The following CHD1L variants were observed in gnomAD, a reference collection of about 807,000 sequenced individuals.
The protein encoded by CHD1L is ATP-dependent chromatin remodeler CHD1L.
A neutral mutation model predicts 115.9 loss-of-function variants in CHD1L; 118 were observed. The observed-to-expected ratio is 1.02, with a 90% CI of 0.88 to 1.19. The LOEUF is 1.19. CHD1L is among the 50% of genes most tolerant of loss of function. The pLI, the probability that CHD1L is intolerant of heterozygous loss-of-function variation, is 0.00. For synonymous variants in CHD1L, 411 were observed against 387.1 expected, an observed-to-expected ratio of 1.06 and a Z score of -0.72; for missense variants, 1,179 against 1,065.3, an observed-to-expected ratio of 1.11 and a Z score of -1.49.
intron 19 of CHD1L, 67 bp downstream of exon 19, chr1:147,287,800 T>G: frequency 1.5e-6 from 2 of 1,327,122 alleles, no homozygotes; most frequent in South Asian, 2.4e-5. Context: ...TAAGACTGTA[T>G]CGTGAGGGTT....
At chr1:147,295,403 A>C in intron 22 of CHD1L, 28 bp from the exon 23 acceptor site, 1 of 1,508,282 alleles carries the variant, frequency 6.6e-7, no homozygotes, top group Non-Finnish European at 9.2e-7. Context: ...AAGTGATGAC[A>C]TGTATCTTCC....
At chr1:147,214,992 A>G in the CHD1L span, 1 of 152,174 alleles carries the variant, frequency 6.6e-6, no homozygotes, top group African/African-American at 2.4e-5. Context: ...AGAAAAAGGC[A>G]TGACTTAGCA....
chr1:147,216,046 A>G, the CHD1L span: 5 of 732,524 alleles, frequency 6.8e-6, no homozygotes, highest in South Asian at 1.8e-5. Context: ...TGTCAATTAA[A>G]TCACACACAC....
chr1:147,178,260 C>T, the CHD1L span: 21 of 1,613,526 alleles, frequency 1.3e-5, no homozygotes, highest in Middle Eastern at 1.6e-4. Context: ...GCCTCATGCT[C>T]GTCGAGTTCT....
chr1:147,278,551 A>G (rs1679564632), intron 14 of CHD1L, among the ~76,000 whole-genome samples: 2 of 151,138 alleles, frequency 1.3e-5, no homozygotes, highest in South Asian at 4.2e-4. Flanking sequence ...ATACCAAGAA[A>G]CCAAAAGTAA....
At chr1:147,187,505 G>C in the CHD1L span, among the ~76,000 whole-genome samples, 2 of 152,162 alleles carry the variant, frequency 1.3e-5, no homozygotes, top group East Asian at 3.9e-4. Context: ...AGTTAAAAGA[G>C]AGCTGTAATC....
At chr1:147,186,361 CAA>C in the CHD1L span, 186 of 954,332 alleles carry the variant, frequency 1.9e-4, 2 homozygotes, top group African/African-American at 3.1e-3. Context: ...GCAAGTGAAA[CAA>C]AATGTCTTAA....
chr1:147,288,804 G>A (rs1684393874), intron 19 of CHD1L, among the ~76,000 whole-genome samples: 1 of 152,158 alleles, frequency 6.6e-6, no homozygotes, highest in South Asian at 2.1e-4. Flanking sequence ...AACACTCCCT[G>A]GAGACAGAAA....
At chr1:147,243,699 A>C (rs587746216) in intron 1 of CHD1L, among the ~76,000 whole-genome samples, 1 of 152,276 alleles carries the variant, frequency 6.6e-6, no homozygotes, top group Non-Finnish European at 1.5e-5. Flanking sequence ...CATCAGTAAT[A>C]ATACAGTCGT....
the CHD1L span, among the ~76,000 whole-genome samples, chr1:147,185,490 A>T: frequency 2.4e-4 from 36 of 152,162 alleles, no homozygotes; most frequent in Admixed American, 9.2e-4. Flanking sequence ...AAGTAATACC[A>T]GTTCTCAGTT....
chr1:147,268,955 T>C, intron 10 of CHD1L, 77 bp downstream of exon 10: 1 of 1,074,594 alleles, frequency 9.3e-7, no homozygotes, highest in Admixed American at 2.8e-5. Context: ...CACTGAGTTG[T>C]TCAGGCCAAT....
At chr1:147,277,567 G>GTA (rs1679000677) in intron 14 of CHD1L, among the ~76,000 whole-genome samples, 1 of 152,130 alleles carries the variant, frequency 6.6e-6, no homozygotes, top group Non-Finnish European at 1.5e-5. Context: ...TTATCTTAGG[G>GTA]GGTAGGTGTG....
At chr1:147,264,996 C>A (rs1358952167) in intron 7 of CHD1L, among the ~76,000 whole-genome samples, 1 of 152,196 alleles carries the variant, frequency 6.6e-6, no homozygotes, top group African/African-American at 2.4e-5. Context: ...TTTAATGCTG[C>A]ACCAAAACCA....
At chr1:147,223,956 T>C in the CHD1L span, 2 of 383,068 alleles carry the variant, frequency 5.2e-6, no homozygotes, top group Non-Finnish European at 1.0e-5. Flanking sequence ...ACACCACCCG[T>C]CTTTCCAGCA....
chr1:147,186,667 A>G, the CHD1L span: 1 of 1,325,286 alleles, frequency 7.5e-7, no homozygotes, highest in Non-Finnish European at 9.6e-7. Flanking sequence ...CTGAGCTCCC[A>G]GTCTAGGGAT....
chr1:147,284,882 C>T (rs1292365129), intron 16 of CHD1L, among the ~76,000 whole-genome samples: 4 of 152,066 alleles, frequency 2.6e-5, no homozygotes, highest in Non-Finnish European at 5.9e-5. Context: ...TGGCAGTTAA[C>T]GTGGTCATTA....
At chr1:147,232,565 A>G in the CHD1L span, among the ~76,000 whole-genome samples, 2 of 150,742 alleles carry the variant, frequency 1.3e-5, no homozygotes, top group Non-Finnish European at 3.0e-5. Flanking sequence ...GCTGGACTGT[A>G]CTGCTGCCAT....
At chr1:147,276,059 T>C in intron 13 of CHD1L, 45 bp from the exon 14 acceptor site, 2 of 1,591,900 alleles carry the variant, frequency 1.3e-6, no homozygotes, top group Non-Finnish European at 1.7e-6. Context: ...TTGCCCAGCT[T>C]TGCACACCCT....
the CHD1L span, among the ~76,000 whole-genome samples, chr1:147,236,273 C>G: frequency 3.9e-5 from 6 of 152,192 alleles, no homozygotes; most frequent in African/African-American, 1.4e-4. Context: ...GCTCCTAGGT[C>G]TGGGCTTCCC....
Sources: allele counts gnomAD v4.1 joint callset (sites outside exome capture counted in the v4.1 genomes callset), GRCh38; gene constraint gnomAD v4.1.1; transcripts MANE v1.5; gene names NCBI Gene and HGNC (gene_info 2026-07-23, HGNC 2026-07-21).